The following OPCML variants were observed in gnomAD, a reference collection of about 807,000 sequenced individuals.
OPCML encodes the protein opioid binding protein/cell adhesion molecule like, also known as opioid-binding protein/cell adhesion molecule.
OPCML carries 13 observed loss-of-function variants against 37.8 expected under a neutral mutation model. The ratio of observed to expected loss-of-function variants is 0.34; its 90% CI spans 0.22 to 0.55. OPCML has a LOEUF of 0.55. Ranked by LOEUF, OPCML falls within the 20% of genes least tolerant of loss-of-function variation. OPCML has a pLI of 0.91. For missense variants in OPCML, 341 were observed against 435.6 expected (o/e 0.78, Z 1.93); for synonymous variants, 176 against 168.8 (o/e 1.04, Z -0.33).
chr11:132,474,474 G>A (rs918385856), intron 4 of OPCML, among the ~76,000 whole-genome samples: 4 of 151,872 alleles, frequency 2.6e-5, no homozygotes, highest in African/African-American at 7.2e-5. Context: ...AGTCCTTGCT[G>A]GCCCCAGATG....
At chr11:133,176,274 A>C (rs181067475) in intron 1 of OPCML, among the ~76,000 whole-genome samples, 128 of 152,124 alleles carry the variant, frequency 8.4e-4, no homozygotes, top group Non-Finnish European at 1.0e-3. Context: ...CCTGGAATTG[A>C]ATGCTCCATG....
rs1044393715 is a variant in OPCML at position 133,175,664 on chromosome 11, T to G, written c.62-232654A>C. ...AATTCTGTAATTCACTGACTTTTTT[T>G]TTTTTTTTTGAGAGTCTGGATTTAG... On this transcript the variant is annotated intron_variant, in intron 1 of 7. Transcript: ENST00000524381. Among the ~76,000 whole-genome samples, 235 of 151,800 alleles carry G rather than the reference T, an allele frequency of 1.5e-3. 3 individuals carry two copies. The highest frequency in any genetic ancestry group is 5.2e-3 in the African/African-American group (217 of 41,434).
chr11:132,468,050 C>T (rs542527636), intron 4 of OPCML, among the ~76,000 whole-genome samples: 66 of 152,226 alleles, frequency 4.3e-4, no homozygotes, highest in African/African-American at 1.4e-3. Context: ...GAAAGGAAGG[C>T]GTACTCCTTC....
At chr11:132,876,689 G>A (rs563240703) in intron 2 of OPCML, among the ~76,000 whole-genome samples, 13 of 152,128 alleles carry the variant, frequency 8.5e-5, no homozygotes, top group East Asian at 1.9e-4. Flanking sequence ...GCAAGGCCCC[G>A]GATGAGCTAT....
At chr11:133,220,800 G>T (rs1011435094) in intron 1 of OPCML, among the ~76,000 whole-genome samples, 3 of 151,988 alleles carry the variant, frequency 2.0e-5, no homozygotes, top group African/African-American at 7.3e-5. Flanking sequence ...AGCTTCGGGA[G>T]CCTCTAAATG....
chr11:133,278,737 T>C (rs1273769854), intron 1 of OPCML, among the ~76,000 whole-genome samples: 1 of 151,244 alleles, frequency 6.6e-6, no homozygotes, highest in African/African-American at 2.5e-5. Context: ...TTTATTTGTT[T>C]GATTAAAAAA....
intron 2 of OPCML, among the ~76,000 whole-genome samples, chr11:132,904,705 G>A (rs900361172): frequency 2.6e-5 from 4 of 152,166 alleles, no homozygotes; most frequent in African/African-American, 4.8e-5. Flanking sequence ...GCAGATGGCC[G>A]TGCACTTAAG....
chr11:133,226,022 G>A (rs1245331250), intron 1 of OPCML, among the ~76,000 whole-genome samples: 1 of 152,252 alleles, frequency 6.6e-6, no homozygotes, highest in Non-Finnish European at 1.5e-5. Context: ...GAGAGGCTAA[G>A]TTACCTGCAC....
At chr11:133,086,904 C>T (rs1367483107) in intron 1 of OPCML, among the ~76,000 whole-genome samples, 2 of 152,186 alleles carry the variant, frequency 1.3e-5, no homozygotes, top group African/African-American at 4.8e-5. Context: ...TCTCAAGTGG[C>T]AAGATTTCCT....
At chr11:133,530,998 T>C (rs1018474067) in intron 1 of OPCML, among the ~76,000 whole-genome samples, 3 of 151,992 alleles carry the variant, frequency 2.0e-5, no homozygotes, top group Non-Finnish European at 4.4e-5. Flanking sequence ...GCAGGTAAGG[T>C]TTTAAAATCT....
chr11:132,479,850 C>T (rs2096172722), intron 4 of OPCML, among the ~76,000 whole-genome samples: 1 of 152,100 alleles, frequency 6.6e-6, no homozygotes, highest in African/African-American at 2.4e-5. Context: ...GAAAGGACAT[C>T]CGCACAAAAA....
chr11:132,875,907 C>T (rs1472867585), intron 2 of OPCML, among the ~76,000 whole-genome samples: 2 of 152,230 alleles, frequency 1.3e-5, no homozygotes, highest in African/African-American at 4.8e-5. Context: ...ACCATATCGA[C>T]ATACAAACTG....
intron 1 of OPCML, among the ~76,000 whole-genome samples, chr11:133,525,732 C>T (rs1410910823): frequency 1.3e-5 from 2 of 152,198 alleles, no homozygotes; most frequent in African/African-American, 2.4e-5. Context: ...AATGACCGCT[C>T]AGGCCACTTG....
At chr11:132,427,718 C>A (rs2095982325) in intron 7 of OPCML, among the ~76,000 whole-genome samples, 1 of 152,212 alleles carries the variant, frequency 6.6e-6, no homozygotes, top group African/African-American at 2.4e-5. Context: ...ACCATAAGCT[C>A]TGTGTCTGTG....
At chr11:133,064,972 G>C (rs1948416861) in intron 1 of OPCML, 1 of 152,272 alleles carries the variant, frequency 6.6e-6, no homozygotes, top group Non-Finnish European at 1.5e-5. Flanking sequence ...AATAAAACAA[G>C]GAGGGAGAGG....
intron 1 of OPCML, among the ~76,000 whole-genome samples, chr11:133,351,207 T>C (rs901861821): frequency 1.3e-5 from 2 of 152,172 alleles, no homozygotes; most frequent in Admixed American, 6.5e-5. Context: ...GGTCTGGGGC[T>C]AAGTGTAATT....
intron 3 of OPCML, among the ~76,000 whole-genome samples, chr11:132,594,030 C>T (rs554322168): frequency 1.5e-4 from 23 of 152,232 alleles, no homozygotes; most frequent in African/African-American, 5.3e-4. Context: ...TTGATTAATG[C>T]CACACAAATA....
rs185335305 is a variant in OPCML, at chr11:132,633,440, T to C, written c.379+23647A>G. 6.2e-4 allele frequency among the ~76,000 whole-genome samples: 94 copies of C among 152,276 alleles called. 2 individuals are homozygous for C. Among genetic ancestry groups the C allele is most frequent in the Admixed American group, 6.1e-3 (93 of 15,292 alleles). ...GGAAATAAAAATAGCCCTTCATTTC[T>C]GATAGAAATTAAAAGCCGGGAATGT... On this transcript the variant is annotated intron_variant, in intron 3 of 7. Coordinates refer to ENST00000524381, the MANE Select transcript of OPCML (RefSeq NM_001012393.5).
chr11:132,937,638 T>C (rs1309644350), intron 2 of OPCML, among the ~76,000 whole-genome samples: 12 of 136,384 alleles, frequency 8.8e-5, no homozygotes, highest in African/African-American at 3.3e-4. Flanking sequence ...GTGTGTGTGC[T>C]GGGGAGGCAG....
Sources: allele counts gnomAD v4.1 joint callset (sites outside exome capture counted in the v4.1 genomes callset), GRCh38; gene constraint gnomAD v4.1.1; transcripts MANE v1.5; gene names NCBI Gene and HGNC (gene_info 2026-07-23, HGNC 2026-07-21).